PTCHD4: variants seen among roughly 807,000 people sequenced by gnomAD.
PTCHD4 encodes the protein patched domain-containing protein 4.
In PTCHD4, 33 loss-of-function variants were observed where a neutral mutation model predicts 58.1. The observed-to-expected ratio is 0.57, with a 90% CI of 0.43 to 0.76. The LOEUF (loss-of-function observed/expected upper bound fraction) is 0.76, where lower values mean the gene tolerates loss of function less well. Ranked by LOEUF, PTCHD4 falls within the 30% of genes least tolerant of loss-of-function variation. The pLI, the probability that PTCHD4 is intolerant of heterozygous loss-of-function variation, is 0.00. For synonymous variants in PTCHD4, 478 were observed against 409.6 expected (o/e 1.17, Z -2.02); for missense variants, 1,058 against 1,027.1 (o/e 1.03, Z -0.41).
chr6:47,912,336 A>G (rs534916893), intron 4 of PTCHD4, among the ~76,000 whole-genome samples: 2 of 151,684 alleles, frequency 1.3e-5, no homozygotes, highest in South Asian at 2.1e-4. Flanking sequence ...AGAAAAACCT[A>G]CAATGCCTTG....
intron 4 of PTCHD4, among the ~76,000 whole-genome samples, chr6:47,894,413 G>A (rs10807381): frequency 0.48 from 73,212 of 152,128 alleles, 18,962 homozygotes; most frequent in East Asian, 0.75. Context: ...TGGTTTTTAT[G>A]CCAGGTTCAG....
chr6:47,944,299 C>T (rs1766339551), intron 4 of PTCHD4, among the ~76,000 whole-genome samples: 1 of 151,998 alleles, frequency 6.6e-6, no homozygotes, highest in African/African-American at 2.4e-5. Flanking sequence ...GTAAGGATAA[C>T]CCCTAAACAA....
At chr6:47,970,411 T>C (rs1293766192) in intron 4 of PTCHD4, among the ~76,000 whole-genome samples, 3 of 152,110 alleles carry the variant, frequency 2.0e-5, no homozygotes, top group Non-Finnish European at 4.4e-5. Flanking sequence ...AGGATGTCAA[T>C]AAGAATTCAA....
intron 1 of PTCHD4, among the ~76,000 whole-genome samples, chr6:48,099,029 T>C (rs760248559): frequency 1.3e-5 from 2 of 152,192 alleles, no homozygotes; most frequent in Non-Finnish European, 2.9e-5. Context: ...TCATATTAAA[T>C]AACATTTCAG....
Position 47,879,089 on chromosome 6 carries a change from G to T in PTCHD4, c.1746C>A (p.Phe582Leu). The T allele has an allele frequency of 6.2e-7, 1 of 1,613,200 alleles. No homozygotes were observed. The highest frequency in any genetic ancestry group is 8.5e-7 in the Non-Finnish European group (1 of 1,179,710). The change falls in exon 5 of 5, where the codon TTC becomes TTA. Residue 582 changes from phenylalanine to leucine, a missense_variant. Transcript: ENST00000339488. The part of the protein sequence containing the change: ...LQSSFLKKPE[F>L]QHFRNDIIFS... Reference sequence around the variant, plus strand: ...AGATGATATCATTTCGAAAATGCTGGAATTCTGGCTTTTTTAAAAATGAGC... The same window carrying T: ...AGATGATATCATTTCGAAAATGCTGTAATTCTGGCTTTTTTAAAAATGAGC...
rs879107293 is a variant in PTCHD4 at position 47,879,693 on chromosome 6, G to A, written c.1142C>T (p.Ser381Phe). ...AAAGACCAGACAGGAGCCAAAGAAG[G>A]AGAAAATGTAGAAGTAGTTCAACAG... ...SILLNYFYIF[S>F]FFGSCLVFAG... The change falls in exon 5 of 5, where the codon TCC becomes TTC. Residue 381 changes from serine to phenylalanine, a missense_variant. By Grantham distance (155) the Ser-to-Phe change is radical (BLOSUM62 -2). Transcript: ENST00000339488. The A allele has an allele frequency of 1.9e-6, 3 of 1,613,606 alleles. No individual in the cohort carries two copies. The South Asian group carries it at 3.3e-5, about 18-fold the overall frequency.
At chr6:48,049,608 A>G (rs1391451587) in intron 3 of PTCHD4, among the ~76,000 whole-genome samples, 1 of 151,926 alleles carries the variant, frequency 6.6e-6, no homozygotes, top group Non-Finnish European at 1.5e-5. Context: ...TCATCCTAAA[A>G]GCCTTGGGGA....
At chr6:48,043,825 G>T (rs951230044) in intron 3 of PTCHD4, among the ~76,000 whole-genome samples, 1 of 151,832 alleles carries the variant, frequency 6.6e-6, no homozygotes, top group Admixed American at 6.6e-5. Context: ...CACTGTAAAA[G>T]TTATACAGAA....
rs1360638221 is a variant in PTCHD4, at chr6:47,863,989, T to C, written c.*14314A>G. The stretch of plus-strand genomic sequence containing the variant: ...CTATGCAGCCTTTCAGGCCTAGTGG[T>C]GAGAAGCTGACCTTTGTCCTCACCT... On this transcript the variant is annotated 3_prime_UTR_variant, in exon 5 of 5. Transcript: ENST00000339488. Among the ~76,000 whole-genome samples, 2 of 151,994 alleles carry C rather than the reference T, an allele frequency of 1.3e-5. No homozygotes were observed. Among genetic ancestry groups the C allele is most frequent in the African/African-American group, 4.8e-5 (2 of 41,416 alleles).
At chr6:47,919,983 C>G (rs1278997180) in intron 4 of PTCHD4, among the ~76,000 whole-genome samples, 1 of 152,062 alleles carries the variant, frequency 6.6e-6, no homozygotes, top group African/African-American at 2.4e-5. Flanking sequence ...TTGTGCTGCA[C>G]TTCGAGGACT....
intron 3 of PTCHD4, among the ~76,000 whole-genome samples, chr6:48,031,567 G>T (rs1003589641): frequency 2.0e-5 from 3 of 152,108 alleles, no homozygotes; most frequent in Admixed American, 1.3e-4. Context: ...AGCCATACCT[G>T]TCCAGAGAGA....
chr6:47,974,488 C>T (rs1767621762), intron 4 of PTCHD4, among the ~76,000 whole-genome samples: 1 of 152,140 alleles, frequency 6.6e-6, no homozygotes, highest in Admixed American at 6.5e-5. Context: ...CTTAACAATA[C>T]TGACATTTGG....
chr6:47,938,744 C>A (rs969948713), intron 4 of PTCHD4, among the ~76,000 whole-genome samples: 2 of 152,064 alleles, frequency 1.3e-5, no homozygotes, highest in Non-Finnish European at 2.9e-5. Flanking sequence ...TGCTGGCAGG[C>A]AGAATTAGAT....
intron 4 of PTCHD4, among the ~76,000 whole-genome samples, chr6:47,948,279 G>C (rs1028585302): frequency 6.6e-6 from 1 of 152,170 alleles, no homozygotes; most frequent in Non-Finnish European, 1.5e-5. Flanking sequence ...TTCCAATCAT[G>C]GATCTTTCTT....
Position 47,989,813 on chromosome 6 carries a change from C to T in PTCHD4, c.898+18821G>A, listed in dbSNP as rs570495668. ...AGATTGGAAATGTGGGGTCGGAGAC[C>T]CCACAGAGAGGCCCCACCGGGGCAC... On this transcript the variant is annotated intron_variant, in intron 4 of 4. Transcript: ENST00000339488. Among the ~76,000 whole-genome samples, 11 of 152,214 alleles carry T rather than the reference C, an allele frequency of 7.2e-5. No homozygotes were observed. In the South Asian group the frequency reaches 1.2e-3, roughly 17 times the overall value.
intron 4 of PTCHD4, among the ~76,000 whole-genome samples, chr6:47,984,465 T>G (rs2114017889): frequency 6.6e-6 from 1 of 152,216 alleles, no homozygotes; most frequent in East Asian, 1.9e-4. Flanking sequence ...CCATGATTCA[T>G]TTACCTCCCA....
chr6:47,927,397 CTGT>C (rs903960895), intron 4 of PTCHD4, among the ~76,000 whole-genome samples: 1 of 152,132 alleles, frequency 6.6e-6, no homozygotes, highest in Non-Finnish European at 1.5e-5. Flanking sequence ...CCTGCTGGTC[CTGT>C]TGTTCATGAG....
intron 4 of PTCHD4, among the ~76,000 whole-genome samples, chr6:47,981,977 A>G (rs1458333492): frequency 6.6e-6 from 1 of 151,836 alleles, no homozygotes; most frequent in African/African-American, 2.4e-5. Context: ...CATTCCTCTG[A>G]CTCTCCCAAG....
chr6:47,883,365 C>A (rs530373165), intron 4 of PTCHD4, among the ~76,000 whole-genome samples: 7 of 151,996 alleles, frequency 4.6e-5, no homozygotes, highest in Non-Finnish European at 1.0e-4. Flanking sequence ...AATAAAGAAG[C>A]AAGAGCATGA....
Sources: gnomAD v4.1 joint callset for allele counts (sites outside exome capture counted in the v4.1 genomes callset) on GRCh38, gnomAD v4.1.1 for gene constraint, MANE v1.5 for transcripts, NCBI Gene and HGNC (gene_info 2026-07-23, HGNC 2026-07-21) for gene names.